EHBP1: variants seen among roughly 807,000 people sequenced by gnomAD.
EHBP1 encodes EH domain binding protein 1.
In EHBP1, 55 loss-of-function variants were observed where a neutral mutation model predicts 144.0. That is an observed-to-expected ratio of 0.38 (90% CI 0.31 to 0.48). The LOEUF (loss-of-function observed/expected upper bound fraction) is 0.48. Ranked by LOEUF, EHBP1 falls within the 20% of genes least tolerant of loss-of-function variation. The pLI is 0.98. For synonymous variants in EHBP1, 469 were observed against 472.7 expected, an observed-to-expected ratio of 0.99 and a Z score of 0.10; for missense variants, 1,200 against 1,364.2, an observed-to-expected ratio of 0.88 and a Z score of 1.90.
rs552397859 is a variant in EHBP1 at position 62,812,598 on chromosome 2, G to C, written c.313-13489G>C. Among the ~76,000 whole-genome samples the C allele has an allele frequency of 4.6e-5, 7 of 152,200 alleles. No individual in the cohort carries two copies. The East Asian group carries it at 1.4e-3, about 29-fold the overall frequency. On this transcript the variant is annotated intron_variant, in intron 5 of 22. Coordinates refer to ENST00000431489, the MANE Select transcript of EHBP1 (RefSeq NM_001142616.3). ...CTGAGGAGGTCTCAGAGGGAAATGA[G>C]GAAGAAGGTATTGGGTACTGGAATA...
At chr2:62,717,516 CAG>C (rs1172949966) in intron 2 of EHBP1, among the ~76,000 whole-genome samples, 5 of 152,144 alleles carry the variant, frequency 3.3e-5, no homozygotes, top group Admixed American at 2.6e-4. Context: ...GAGTTTGAAA[CAG>C]AGGCAGTGAA....
chr2:62,687,484 G>T (rs1304500631), intron 1 of EHBP1, among the ~76,000 whole-genome samples: 1 of 152,216 alleles, frequency 6.6e-6, no homozygotes, highest in Non-Finnish European at 1.5e-5. Context: ...CTATAGGTGG[G>T]TCGTAATAGA....
chr2:62,855,202 C>T (rs763952789), intron 7 of EHBP1, among the ~76,000 whole-genome samples: 7 of 152,238 alleles, frequency 4.6e-5, no homozygotes, highest in Non-Finnish European at 7.3e-5. Flanking sequence ...GCTATTGGCA[C>T]CTGCTCCAAT....
At chr2:62,735,007 C>T (rs936717071) in intron 2 of EHBP1, among the ~76,000 whole-genome samples, 2 of 152,092 alleles carry the variant, frequency 1.3e-5, no homozygotes, top group Non-Finnish European at 2.9e-5. Context: ...CTCAAGCAGT[C>T]GTCCCACCTC....
chr2:62,728,760 TTAA>T (rs1222602086), intron 2 of EHBP1, among the ~76,000 whole-genome samples: 3 of 152,118 alleles, frequency 2.0e-5, no homozygotes, highest in Non-Finnish European at 4.4e-5. Context: ...TATTAATACA[TTAA>T]TAATATGTCT....
At chr2:62,860,920 A>G (rs2049474357) in intron 8 of EHBP1, among the ~76,000 whole-genome samples, 1 of 152,066 alleles carries the variant, frequency 6.6e-6, no homozygotes, top group South Asian at 2.1e-4. Context: ...ATCTTTTTAA[A>G]TATATGCCTA....
Position 62,960,982 on chromosome 2 carries a change from G to C in EHBP1, c.2460+5322G>C, listed in dbSNP as rs375880507. On this transcript the variant is annotated intron_variant, in intron 14 of 22. Coordinates refer to ENST00000431489, the MANE Select transcript of EHBP1 (RefSeq NM_001142616.3). ...AGCTTTTCCCATATCCTGGGACTCT[G>C]ATTAGAGTTCAGCTTTCAGTTCTGC... 7.9e-5 allele frequency among the ~76,000 whole-genome samples: 12 copies of C among 152,172 alleles called. No homozygotes were observed. In the East Asian group the frequency reaches 1.5e-3, roughly 20 times the overall value.
At chr2:62,910,278 A>G (rs1174712800) in intron 10 of EHBP1, among the ~76,000 whole-genome samples, 3 of 152,198 alleles carry the variant, frequency 2.0e-5, no homozygotes, top group Admixed American at 6.5e-5. Context: ...GTACCATACT[A>G]TAGTAAAAGT....
intron 10 of EHBP1, among the ~76,000 whole-genome samples, chr2:62,941,270 T>C (rs948220988): frequency 6.6e-6 from 1 of 152,142 alleles, no homozygotes; most frequent in African/African-American, 2.4e-5. Context: ...AGATATTTAA[T>C]AGTTCATTTT....
At position 62,942,915 on chromosome 2, in the gene EHBP1, C is replaced by T; in HGVS notation, c.1364+19C>T. On this transcript the variant is annotated intron_variant, in intron 11 of 22. Transcript: ENST00000431489. ...ATTTAATGTAAGTAGAAACATTTTC[C>T]ATTCCCTATATTTTGTAAGTGATAG... 7 of 1,533,698 alleles carry T rather than the reference C, an allele frequency of 4.6e-6. No individual in the cohort carries two copies. Among genetic ancestry groups the T allele is most frequent in the Non-Finnish European group, 6.2e-6 (7 of 1,126,368 alleles).
chr2:62,980,194 G>C (rs1188229060), intron 15 of EHBP1, among the ~76,000 whole-genome samples: 3 of 152,080 alleles, frequency 2.0e-5, no homozygotes, highest in Non-Finnish European at 4.4e-5. Context: ...GGACCAGGAG[G>C]GTAAGGAGGG....
At position 62,888,202 on chromosome 2, in the gene EHBP1, C is replaced by T. The variant is rs376784467; in HGVS notation, c.1185+13670C>T. ...GCACTCTGTGCATCCCCTTGACTCACACTAGTCCCAGCCATGGTGCACAGA... is the reference window on the plus strand; with the variant it reads ...GCACTCTGTGCATCCCCTTGACTCATACTAGTCCCAGCCATGGTGCACAGA... On this transcript the variant is annotated intron_variant, in intron 10 of 22. Transcript: ENST00000431489. Among the ~76,000 whole-genome samples, 71 of 152,300 alleles carry T rather than the reference C, an allele frequency of 4.7e-4. 1 individual carries two copies. The highest frequency in any genetic ancestry group is 1.5e-3 in the African/African-American group (63 of 41,556).
At chr2:62,713,859 T>G (rs1486169150) in intron 2 of EHBP1, among the ~76,000 whole-genome samples, 1 of 152,230 alleles carries the variant, frequency 6.6e-6, no homozygotes, top group Admixed American at 6.5e-5. Context: ...TTGTAATTGT[T>G]ACATATTGTG....
chr2:62,975,935 C>CACACAT (rs1491058043), intron 14 of EHBP1, among the ~76,000 whole-genome samples: 11 of 134,372 alleles, frequency 8.2e-5, no homozygotes, highest in East Asian at 2.2e-4. Context: ...CACACACACA[C>CACACAT]ATATATAGTA....
At chr2:62,947,880 T>C (rs1169628313) in intron 12 of EHBP1, among the ~76,000 whole-genome samples, 2 of 152,200 alleles carry the variant, frequency 1.3e-5, no homozygotes, top group African/African-American at 4.8e-5. Flanking sequence ...GTGCTTTTCT[T>C]CACAAATCAC....
At chr2:62,724,839 AG>A (rs2036590189) in intron 2 of EHBP1, among the ~76,000 whole-genome samples, 1 of 152,198 alleles carries the variant, frequency 6.6e-6, no homozygotes, top group African/African-American at 2.4e-5. Context: ...AGATTCTCAC[AG>A]GAGCACAAAT....
chr2:62,784,681 C>G (rs771388278), intron 5 of EHBP1, among the ~76,000 whole-genome samples: 1 of 152,148 alleles, frequency 6.6e-6, no homozygotes, highest in Non-Finnish European at 1.5e-5. Context: ...AGGGAATAGC[C>G]TTGGTAAAGG....
chr2:62,776,929 T>A (rs1247685402), intron 5 of EHBP1, among the ~76,000 whole-genome samples: 1 of 152,206 alleles, frequency 6.6e-6, no homozygotes, highest in East Asian at 1.9e-4. Flanking sequence ...ATTACCCAAT[T>A]AAATCCAGAA....
chr2:62,681,373 G>A (rs112923479), intron 1 of EHBP1, among the ~76,000 whole-genome samples: 385 of 22,462 alleles, frequency 0.017, no homozygotes, highest in South Asian at 0.034. Flanking sequence ...GTGTATATAT[G>A]TATAAATATA....
Sources: allele counts gnomAD v4.1 joint callset (sites outside exome capture counted in the v4.1 genomes callset), GRCh38; gene constraint gnomAD v4.1.1; transcripts MANE v1.5; gene names NCBI Gene and HGNC (gene_info 2026-07-23, HGNC 2026-07-21).